The following NUP210 variants were observed in gnomAD, a reference collection of about 807,000 sequenced individuals.
The protein encoded by NUP210 is nucleoporin 210, also known as nuclear pore membrane glycoprotein 210.
In NUP210, 151 loss-of-function variants were observed where a neutral mutation model predicts 196.0. The ratio of observed to expected loss-of-function variants is 0.77; its 90% CI spans 0.67 to 0.88. The LOEUF (loss-of-function observed/expected upper bound fraction) is 0.88. Ranked by LOEUF, NUP210 falls within the 40% of genes least tolerant of loss-of-function variation. The probability of loss-of-function intolerance (pLI) is 0.00; values close to 1 mark genes in which losing one functional copy is unlikely to be tolerated. For synonymous variants in NUP210, 1,070 were observed against 1,052.7 expected (o/e 1.02, Z -0.32); for missense variants, 2,314 against 2,493.7 (o/e 0.93, Z 1.53).
At chr3:13,386,457 G>C in intron 5 of NUP210, 50 bp from the exon 6 acceptor site, 1 of 1,608,074 alleles carries the variant, frequency 6.2e-7, no homozygotes, top group Non-Finnish European at 8.5e-7. Context: ...AGGGAATGGG[G>C]AAGTGGTGGT....
intron 1 of NUP210, among the ~76,000 whole-genome samples, chr3:13,413,425 G>A (rs1294327394): frequency 3.3e-5 from 5 of 151,188 alleles, no homozygotes; most frequent in African/African-American, 1.2e-4. Flanking sequence ...AGCCAAGATC[G>A]CACCACTGCA....
chr3:13,382,973 G>T (rs937423631), intron 6 of NUP210, among the ~76,000 whole-genome samples: 1 of 151,722 alleles, frequency 6.6e-6, no homozygotes, highest in Non-Finnish European at 1.5e-5. Context: ...CAGAGAGACC[G>T]CATCTCTATT....
chr3:13,397,370 G>A lies in NUP210; in HGVS notation c.423C>T (p.Ala141=), dbSNP rs1242655078. 2 of 1,610,482 alleles carry A rather than the reference G, an allele frequency of 1.2e-6. No individual in the cohort carries two copies. Among genetic ancestry groups the A allele is most frequent in the African/African-American group, 2.7e-5 (2 of 74,672 alleles). The change falls in exon 3 of 40, where the codon GCC becomes GCT. Residue 141 remains alanine, a synonymous_variant. Transcript: ENST00000254508. ...GGACGTTCTCACCTTCGGAGTCCAGGGCCTGGATCTTCAGCTCCAGGGGGG... is the reference window on the plus strand; with the variant it reads ...GGACGTTCTCACCTTCGGAGTCCAGAGCCTGGATCTTCAGCTCCAGGGGGG... ...EDSPLELKIQ[A]LDSEGNTFST...
chr3:13,379,046 C>T lies in NUP210; in HGVS notation c.977-66G>A. The T allele has an allele frequency of 7.4e-7, 1 of 1,352,824 alleles. No individual in the cohort carries two copies. Among genetic ancestry groups the T allele is most frequent in the Non-Finnish European group, 1.1e-6 (1 of 942,660 alleles). The allele number at this position is 1,352,824 out of a possible 1,614,324, so 83.8% of individuals were successfully genotyped here. A position where few individuals can be genotyped will look rare whatever the true frequency, so the allele number is the denominator to read the frequency against. ...AAACCAGCTGGCTGGCCAGTTTCAGCTTGGCTCAGAATCCTGATCATCAAG... is the reference window on the plus strand; with the variant it reads ...AAACCAGCTGGCTGGCCAGTTTCAGTTTGGCTCAGAATCCTGATCATCAAG... On this transcript the variant is annotated intron_variant, in intron 7 of 39. Transcript: ENST00000254508. The surrounding 1 kb of genome is among the most constrained non-coding windows in gnomAD (Gnocchi z 4.2).
chr3:13,360,611 C>G, intron 14 of NUP210, 120 bp from the exon 15 acceptor site: 1 of 686,384 alleles, frequency 1.5e-6, no homozygotes, highest in South Asian at 1.9e-5. Flanking sequence ...CAAGCCCCAT[C>G]TCCTGTTTGA....
At chr3:13,396,518 C>T (rs1422506545) in intron 3 of NUP210, among the ~76,000 whole-genome samples, 2 of 150,538 alleles carry the variant, frequency 1.3e-5, no homozygotes, top group Admixed American at 6.6e-5. Context: ...GAGGCTAAGC[C>T]GGGTGGATCA....
At chr3:13,346,997 C>T (rs555235505) in intron 20 of NUP210, 118 of 985,194 alleles carry the variant, frequency 1.2e-4, no homozygotes, top group Admixed American at 1.8e-4. Context: ...CACCACTGTC[C>T]ACAGATCAGT....
intron 2 of NUP210, 70 bp from the exon 3 acceptor site, chr3:13,397,558 C>T (rs903801755): frequency 2.1e-6 from 3 of 1,461,586 alleles, no homozygotes; most frequent in African/African-American, 1.4e-5. Flanking sequence ...CCAAGCCTTG[C>T]AGGCTTACAC....
rs139959300 is a variant in NUP210, at chr3:13,398,366, C to A, written c.305-878G>T. Among the ~76,000 whole-genome samples, 22 of 152,122 alleles carry A rather than the reference C, an allele frequency of 1.4e-4. No individual in the cohort carries two copies. In the East Asian group the frequency reaches 4.3e-3, roughly 29 times the overall value. On this transcript the variant is annotated intron_variant, in intron 2 of 39. Coordinates refer to ENST00000254508, the MANE Select transcript of NUP210 (RefSeq NM_024923.4). ...GCTGAGGCAGAAGAATTGCTTAAAC[C>A]CGGGAGGCAAAGGTTGCAGTGAGCC...
chr3:13,372,525 C>A (rs2124911059), intron 12 of NUP210, among the ~76,000 whole-genome samples: 1 of 152,268 alleles, frequency 6.6e-6, no homozygotes, highest in Middle Eastern at 3.4e-3. Flanking sequence ...GTTGGAAAGC[C>A]CCAGAGAGAG....
rs758556017 is a variant in NUP210, at chr3:13,322,347, G to A, written c.4769-8C>T. The A allele has an allele frequency of 6.2e-6, 10 of 1,614,044 alleles. No individual in the cohort carries two copies. The East Asian group carries it at 1.1e-4, about 18-fold the overall frequency. ...GGGTGGGGGTGCACTCGCCTAGAGA[G>A]GGGAGAGACGAGAGGGTGTGGGCCA... On this transcript the variant is annotated splice_polypyrimidine_tract_variant and splice_region_variant and intron_variant, in intron 34 of 39. Transcript: ENST00000254508.
intron 1 of NUP210, among the ~76,000 whole-genome samples, chr3:13,414,781 TTC>T (rs1700292487): frequency 6.6e-6 from 1 of 152,228 alleles, no homozygotes; most frequent in Non-Finnish European, 1.5e-5. Flanking sequence ...TGCCTTGCAG[TTC>T]TGTTTCCTTC....
intron 39 of NUP210, among the ~76,000 whole-genome samples, chr3:13,318,697 G>A (rs1480042365): frequency 6.6e-6 from 1 of 152,166 alleles, no homozygotes; most frequent in Non-Finnish European, 1.5e-5. Flanking sequence ...CCATTCTTCT[G>A]GGAAATTTCT....
intron 14 of NUP210, among the ~76,000 whole-genome samples, chr3:13,363,989 T>C (rs1284675759): frequency 6.6e-6 from 1 of 152,130 alleles, no homozygotes; most frequent in African/African-American, 2.4e-5. Flanking sequence ...ATGCCTGCTG[T>C]GCTCGGGGAT....
chr3:13,379,048 T>C lies in NUP210; in HGVS notation c.977-68A>G. ...ACCAGCTGGCTGGCCAGTTTCAGCT[T>C]GGCTCAGAATCCTGATCATCAAGAC... On this transcript the variant is annotated intron_variant, in intron 7 of 39. Coordinates refer to ENST00000254508, the MANE Select transcript of NUP210 (RefSeq NM_024923.4). The surrounding 1 kb of genome is among the most constrained non-coding windows in gnomAD (Gnocchi z 4.2). 3 of 1,315,362 alleles carry C rather than the reference T, an allele frequency of 2.3e-6. No homozygotes were observed. Among genetic ancestry groups the C allele is most frequent in the South Asian group, 1.2e-5 (1 of 84,874 alleles). 81.5% of individuals were successfully genotyped at this position (1,315,362 alleles called of 1,614,324 possible).
Position 13,420,181 on chromosome 3 carries a change from G to A in NUP210, c.46C>T (p.Leu16=), listed in dbSNP as rs769300700. 1.6e-6 allele frequency: 2 copies of A among 1,244,672 alleles called. No homozygotes were observed. The highest frequency in any genetic ancestry group is 3.7e-5 in the East Asian group (1 of 27,044). The allele number at this position is 1,244,672 out of a possible 1,614,324, so 77.1% of individuals were successfully genotyped here. The change falls in exon 1 of 40, where the codon CTG becomes TTG. Residue 16 remains leucine (L), a synonymous_variant. Transcript: ENST00000254508. This position sits in a 1 kb window ranked among gnomAD's most constrained non-coding sequence, Gnocchi z 4.8. ...GCGGCGGAGGGGCCCGCCGCCAACA[G>A]CACCGACAGCGTCAGCAGCAGCAGC... is the stretch of plus-strand genomic sequence containing the variant. ...RGLLLLTLSV[L]LAAGPSAAAA... is the part of the protein sequence containing the mutation.
chr3:13,334,159 G>A (rs1458995529), intron 28 of NUP210, among the ~76,000 whole-genome samples: 1 of 152,220 alleles, frequency 6.6e-6, no homozygotes. Flanking sequence ...TTTGTAGGCT[G>A]GATCCAGATT....
intron 20 of NUP210, among the ~76,000 whole-genome samples, chr3:13,345,488 A>C (rs557854461): frequency 2.0e-5 from 3 of 152,266 alleles, no homozygotes; most frequent in African/African-American, 7.2e-5. Flanking sequence ...GAGGAGGGAG[A>C]GTGGACAAAA....
In NUP210 at chr3:13,347,327, C is replaced by T. The variant is rs1367177981; in HGVS notation, c.2836-4024G>A. 1.0e-6 allele frequency: 1 copy of T among 985,224 alleles called. No homozygotes were observed. Among genetic ancestry groups the T allele is most frequent in the Non-Finnish European group, 1.2e-6 (1 of 829,856 alleles). 61.0% of individuals were successfully genotyped at this position (985,224 alleles called of 1,614,324 possible). A position where few individuals can be genotyped will look rare whatever the true frequency, so the allele number is the denominator to read the frequency against. On this transcript the variant is annotated intron_variant, in intron 20 of 39. Transcript: ENST00000254508. The surrounding 1 kb of genome is among the most constrained non-coding windows in gnomAD (Gnocchi z 4.7). ...GGAAATGTAAAGTGCCCAGCAGGCT[C>T]CTTCCCCTGCTCTGGTCATCTCATG...
Sources: allele counts gnomAD v4.1 joint callset (sites outside exome capture counted in the v4.1 genomes callset), GRCh38; gene constraint gnomAD v4.1.1; non-coding constraint Gnocchi (gnomAD v3.1); transcripts MANE v1.5; gene names NCBI Gene and HGNC (gene_info 2026-07-23, HGNC 2026-07-21).